Variants in TAF8 observed in about 807,000 individuals in gnomAD.
TAF8 encodes the protein transcription initiation factor TFIID subunit 8.
In TAF8, 47 loss-of-function variants were observed where a neutral mutation model predicts 36.5. The observed-to-expected ratio is 1.29, with a 90% CI of 1.02 to 1.64. TAF8 has a LOEUF of 1.64. Ranked by LOEUF, TAF8 falls within the 40% of genes most tolerant of loss-of-function variation. TAF8 has a pLI of 0.00. For missense variants in TAF8, 420 were observed against 407.6 expected (o/e 1.03, Z -0.26); for synonymous variants, 175 against 159.5 (o/e 1.10, Z -0.73).
intron 7 of TAF8, among the ~76,000 whole-genome samples, chr6:42,075,617 G>A (rs1765718596): frequency 6.6e-6 from 1 of 152,002 alleles, no homozygotes; most frequent in South Asian, 2.1e-4. Flanking sequence ...GGTCAGTGAG[G>A]GCCTCTTTAG....
intron 2 of TAF8, among the ~76,000 whole-genome samples, chr6:42,053,342 C>T (rs1047202526): frequency 2.2e-4 from 34 of 152,112 alleles, no homozygotes; most frequent in Non-Finnish European, 3.2e-4. Flanking sequence ...GCGGGTATAT[C>T]GCCTGAGGTC....
intron 5 of TAF8, among the ~76,000 whole-genome samples, chr6:42,065,967 C>G (rs1316851225): frequency 6.6e-6 from 1 of 152,152 alleles, no homozygotes. Context: ...ATGATGCAGT[C>G]TCGGCTCACT....
chr6:42,080,872 A>G lies in TAF8; in HGVS notation c.*3327A>G. The G allele has an allele frequency of 3.1e-6, 3 of 980,172 alleles. No homozygotes were observed. Among genetic ancestry groups the G allele is most frequent in the Non-Finnish European group, 3.6e-6 (3 of 825,108 alleles). The allele number at this position is 980,172 out of a possible 1,614,324, so 60.7% of individuals were successfully genotyped here. A position where few individuals can be genotyped will look rare whatever the true frequency, so the allele number is the denominator to read the frequency against. On this transcript the variant is annotated 3_prime_UTR_variant, in exon 9 of 9. Transcript: ENST00000372977. ...ATTAAAAATGTTTATGAAAATCTCA[A>G]TAAAAATTCATAATAAAAACTTTGT...
At chr6:42,068,752 TC>T in intron 7 of TAF8, 145 bp downstream of exon 7, 1 of 934,040 alleles carries the variant, frequency 1.1e-6, no homozygotes, top group Non-Finnish European at 1.6e-6. Context: ...TGCGTGATGA[TC>T]CAGATGTGAC....
chr6:42,055,474 T>C (rs908292173), intron 2 of TAF8, 57 bp from the exon 3 acceptor site: 3 of 1,216,778 alleles, frequency 2.5e-6, no homozygotes, highest in African/African-American at 3.0e-5. Flanking sequence ...CTGGTAATTC[T>C]ATGTTTAACT....
At chr6:42,067,765 A>G (rs1463766812) in intron 6 of TAF8, among the ~76,000 whole-genome samples, 2 of 148,406 alleles carry the variant, frequency 1.3e-5, no homozygotes, top group Non-Finnish European at 3.0e-5. Flanking sequence ...GGATTTCACC[A>G]TGTTGCCCAG....
chr6:42,061,495 A>T (rs1765188386), intron 5 of TAF8, among the ~76,000 whole-genome samples: 1 of 152,220 alleles, frequency 6.6e-6, no homozygotes, highest in South Asian at 2.1e-4. Flanking sequence ...AGAGGACCAA[A>T]ATGAGACAAG....
In TAF8 at chr6:42,079,967, T is replaced by C; in HGVS notation, c.*2422T>C. The stretch of plus-strand genomic sequence containing the variant: ...CTGTACTGTGTAAGGAAAGAGCTGC[T>C]TGTCAGGAACGGAAGAGGGGACGCT... On this transcript the variant is annotated 3_prime_UTR_variant, in exon 9 of 9. Coordinates refer to ENST00000372977, the MANE Select transcript of TAF8 (RefSeq NM_138572.3). 1 of 984,268 alleles carries C rather than the reference T, an allele frequency of 1.0e-6. No individual in the cohort carries two copies. Among genetic ancestry groups the C allele is most frequent in the South Asian group, 4.7e-5 (1 of 21,214 alleles). The allele number at this position is 984,268 out of a possible 1,614,324, so 61.0% of individuals were successfully genotyped here.
rs954590484 is a variant in TAF8, at chr6:42,051,876, G to C, written c.202+363G>C. The C allele has an allele frequency of 7.8e-4, 127 of 162,508 alleles. 1 individual carries two copies. The highest frequency in any genetic ancestry group is 2.8e-3 in the African/African-American group (116 of 41,756). 10.1% of individuals were successfully genotyped at this position (162,508 alleles called of 1,614,324 possible). ...AGCCACTCGGGAGACTGAGGCAGGAGAATCGCTTGAATCTGGGAGGCAGAG... is the reference window on the plus strand; with the variant it reads ...AGCCACTCGGGAGACTGAGGCAGGACAATCGCTTGAATCTGGGAGGCAGAG... On this transcript the variant is annotated intron_variant, in intron 2 of 8. Transcript: ENST00000372977.
intron 5 of TAF8, among the ~76,000 whole-genome samples, chr6:42,060,268 T>G (rs1288659847): frequency 1.3e-5 from 2 of 152,150 alleles, no homozygotes; most frequent in African/African-American, 4.8e-5. Flanking sequence ...GTACTATAGT[T>G]TTTCTTTTGA....
At chr6:42,070,493 A>G (rs1283208454) in intron 7 of TAF8, among the ~76,000 whole-genome samples, 1 of 152,210 alleles carries the variant, frequency 6.6e-6, no homozygotes, top group South Asian at 2.1e-4. Context: ...CTCTGTCTCA[A>G]AAGAAAAGAA....
rs1765959749 is a variant in TAF8, at chr6:42,082,766, AAC to A, written c.*5225_*5226del. 6.6e-6 allele frequency: 1 copy of A among 152,140 alleles called. No individual in the cohort carries two copies. The highest frequency in any genetic ancestry group is 2.1e-4 in the South Asian group (1 of 4,826). The allele number at this position is 152,140 out of a possible 1,614,324, so 9.4% of individuals were successfully genotyped here. ...GAGTAGCATGGAGGCACCATAGTTT[AAC>A]ACAGTTTCTTTAACCATTCACGCAT... On this transcript the variant is annotated 3_prime_UTR_variant, in exon 9 of 9. Transcript: ENST00000372977.
chr6:42,058,617 G>T (rs1049352268), intron 5 of TAF8, among the ~76,000 whole-genome samples: 2 of 152,170 alleles, frequency 1.3e-5, no homozygotes, highest in African/African-American at 4.8e-5. Flanking sequence ...CCATACCTTA[G>T]GGTGGGGGAG....
chr6:42,053,773 G>C (rs569435964), intron 2 of TAF8, among the ~76,000 whole-genome samples: 150 of 152,222 alleles, frequency 9.9e-4, no homozygotes, highest in Middle Eastern at 3.4e-3. Context: ...AAAAGATTTT[G>C]GGGCCTACCA....
At chr6:42,068,772 C>T (rs1253524607) in intron 7 of TAF8, among the ~76,000 whole-genome samples, 165 bp downstream of exon 7, 1 of 152,178 alleles carries the variant, frequency 6.6e-6, no homozygotes, top group Non-Finnish European at 1.5e-5. Context: ...ACCCAATCTC[C>T]TGCTTAGAGA....
intron 7 of TAF8, among the ~76,000 whole-genome samples, chr6:42,076,006 G>A (rs917690617): frequency 6.6e-6 from 1 of 152,104 alleles, no homozygotes; most frequent in Non-Finnish European, 1.5e-5. Flanking sequence ...TCAGGAGATC[G>A]AGACCATCCT....
chr6:42,083,589 T>C (rs1162579365), downstream of TAF8, among the ~76,000 whole-genome samples: 2 of 152,182 alleles, frequency 1.3e-5, no homozygotes, highest in South Asian at 2.1e-4. Flanking sequence ...GAATTTTTTT[T>C]CCCCCTGGAT....
chr6:42,069,415 G>A (rs1765482291), intron 7 of TAF8, among the ~76,000 whole-genome samples: 2 of 152,130 alleles, frequency 1.3e-5, no homozygotes, highest in Admixed American at 6.6e-5. Context: ...ATAAGGAGAT[G>A]TGGTCACCTA....
chr6:42,059,226 AC>A (rs1026454031), intron 5 of TAF8, among the ~76,000 whole-genome samples: 172 of 152,196 alleles, frequency 1.1e-3, no homozygotes, highest in African/African-American at 3.9e-3. Context: ...TACTAAAAAT[AC>A]AAAAAATCAG....
Sources: gnomAD v4.1 joint callset for allele counts (sites outside exome capture counted in the v4.1 genomes callset) on GRCh38, gnomAD v4.1.1 for gene constraint, MANE v1.5 for transcripts, NCBI Gene and HGNC (gene_info 2026-07-23, HGNC 2026-07-21) for gene names.